Variants in PTPRD observed in about 807,000 individuals in gnomAD.
PTPRD encodes the protein receptor-type tyrosine-protein phosphatase delta.
PTPRD carries 34 observed loss-of-function variants against 214.5 expected under a neutral mutation model. The observed-to-expected ratio is 0.16, with a 90% CI of 0.12 to 0.21. The LOEUF (loss-of-function observed/expected upper bound fraction) is 0.21. Ranked by LOEUF, PTPRD falls within the 10% of genes least tolerant of loss-of-function variation. The probability of loss-of-function intolerance (pLI) is 1.00; values close to 1 mark genes in which losing one functional copy is unlikely to be tolerated. For missense variants in PTPRD, 2,545 were observed against 2,398.7 expected, an observed-to-expected ratio of 1.06 and a Z score of -1.27; for synonymous variants, 1,128 against 845.7, an observed-to-expected ratio of 1.33 and a Z score of -5.79.
chr9:10,559,353 A>T (rs2063333032), intron 2 of PTPRD, among the ~76,000 whole-genome samples: 1 of 152,144 alleles, frequency 6.6e-6, no homozygotes, highest in African/African-American at 2.4e-5. Flanking sequence ...GTGATTATTT[A>T]AATTTAACTA....
At chr9:10,024,977 T>C (rs1440350710) in intron 4 of PTPRD, among the ~76,000 whole-genome samples, 1 of 152,008 alleles carries the variant, frequency 6.6e-6, no homozygotes, top group Admixed American at 6.6e-5. Flanking sequence ...TTTTTATGGA[T>C]GCATAGTATT....
intron 10 of PTPRD, among the ~76,000 whole-genome samples, chr9:9,181,060 G>T (rs2099927912): frequency 6.6e-6 from 1 of 152,068 alleles, no homozygotes; most frequent in African/African-American, 2.4e-5. Flanking sequence ...AAAGGTTTAG[G>T]TTGGAGTTCT....
At chr9:10,435,961 A>G (rs1389611169) in intron 2 of PTPRD, among the ~76,000 whole-genome samples, 1 of 151,834 alleles carries the variant, frequency 6.6e-6, no homozygotes, top group Non-Finnish European at 1.5e-5. Flanking sequence ...AAAAATGGAC[A>G]TACACACACA....
intron 2 of PTPRD, among the ~76,000 whole-genome samples, chr9:10,352,575 G>A (rs1218491597): frequency 6.6e-6 from 1 of 152,028 alleles, no homozygotes; most frequent in Admixed American, 6.6e-5. Flanking sequence ...AGATCAGAAG[G>A]AGAAATAGCT....
chr9:8,504,608 A>C (rs2097498959), intron 22 of PTPRD, among the ~76,000 whole-genome samples: 2 of 152,210 alleles, frequency 1.3e-5, no homozygotes, highest in Non-Finnish European at 2.9e-5. Context: ...GTTTCTACAA[A>C]GGTAACTGGA....
At chr9:9,897,666 T>C (rs1033283306) in intron 5 of PTPRD, among the ~76,000 whole-genome samples, 1 of 152,088 alleles carries the variant, frequency 6.6e-6, no homozygotes, top group African/African-American at 2.4e-5. Context: ...ATTATAGCTG[T>C]TGATTCACCT....
At chr9:9,304,280 T>A (rs1956394295) in intron 9 of PTPRD, among the ~76,000 whole-genome samples, 2 of 151,926 alleles carry the variant, frequency 1.3e-5, no homozygotes, top group African/African-American at 4.8e-5. Flanking sequence ...GAATGGGGAG[T>A]CATAGGTGAA....
intron 11 of PTPRD, among the ~76,000 whole-genome samples, chr9:8,937,824 G>T (rs996622161): frequency 1.3e-5 from 2 of 152,116 alleles, no homozygotes; most frequent in African/African-American, 4.8e-5. Flanking sequence ...AAAGGGTCAA[G>T]AATCTTGTGG....
intron 30 of PTPRD, among the ~76,000 whole-genome samples, chr9:8,474,187 TGTA>T (rs2096716690): frequency 6.6e-6 from 1 of 152,150 alleles, no homozygotes; most frequent in Non-Finnish European, 1.5e-5. Context: ...CTCTTGCTTT[TGTA>T]GTAACAAACC....
At chr9:10,117,355 T>C (rs1279109570) in intron 3 of PTPRD, among the ~76,000 whole-genome samples, 2 of 152,102 alleles carry the variant, frequency 1.3e-5, no homozygotes, top group Admixed American at 6.6e-5. Flanking sequence ...CTATGGACAA[T>C]GTATTAATTT....
intron 2 of PTPRD, among the ~76,000 whole-genome samples, chr9:10,610,635 T>C (rs1001868610): frequency 2.6e-5 from 4 of 152,170 alleles, no homozygotes; most frequent in African/African-American, 4.8e-5. Context: ...AATTCATTTT[T>C]AAACCAATAA....
chr9:10,516,699 G>C (rs193078392), intron 2 of PTPRD, among the ~76,000 whole-genome samples: 3 of 152,042 alleles, frequency 2.0e-5, no homozygotes, highest in Non-Finnish European at 2.9e-5. Flanking sequence ...GAGTTTTAGA[G>C]TTTCAAGTCT....
At chr9:9,506,413 A>T (rs1302029255) in intron 8 of PTPRD, among the ~76,000 whole-genome samples, 1 of 151,446 alleles carries the variant, frequency 6.6e-6, no homozygotes, top group Non-Finnish European at 1.5e-5. Flanking sequence ...TACTTCTTGG[A>T]GATTAGTTCC....
At chr9:10,055,114 AT>A (rs2097603591) in intron 3 of PTPRD, among the ~76,000 whole-genome samples, 1 of 152,094 alleles carries the variant, frequency 6.6e-6, no homozygotes, top group East Asian at 1.9e-4. Flanking sequence ...CAGGAATTGA[AT>A]CTTCCTAATC....
intron 2 of PTPRD, among the ~76,000 whole-genome samples, chr9:10,568,556 TG>T (rs751144478): frequency 4.6e-5 from 7 of 152,112 alleles, no homozygotes; most frequent in Non-Finnish European, 5.9e-5. Context: ...ACTTCCACAA[TG>T]GTTGAACTAG....
At chr9:8,593,891 T>C (rs1370440121) in intron 14 of PTPRD, among the ~76,000 whole-genome samples, 1 of 152,192 alleles carries the variant, frequency 6.6e-6, no homozygotes, top group South Asian at 2.1e-4. Flanking sequence ...CATTTCATTA[T>C]ACCACTGATT....
intron 3 of PTPRD, among the ~76,000 whole-genome samples, chr9:10,208,120 T>G (rs2099493365): frequency 6.6e-6 from 1 of 152,228 alleles, no homozygotes; most frequent in Non-Finnish European, 1.5e-5. Flanking sequence ...ACCTATGTAA[T>G]GAGGACTTTG....
At chr9:9,620,909 A>T (rs1299633248) in intron 7 of PTPRD, among the ~76,000 whole-genome samples, 1 of 152,048 alleles carries the variant, frequency 6.6e-6, no homozygotes, top group Non-Finnish European at 1.5e-5. Context: ...CAAGGAAATG[A>T]TATGGTACTT....
intron 3 of PTPRD, among the ~76,000 whole-genome samples, chr9:10,138,300 C>A (rs767810704): frequency 3.3e-5 from 5 of 151,956 alleles, no homozygotes; most frequent in Non-Finnish European, 7.4e-5. Context: ...GACATGAATA[C>A]ATTCCTAGAA....
Sources: allele counts gnomAD v4.1 joint callset (sites outside exome capture counted in the v4.1 genomes callset), GRCh38; gene constraint gnomAD v4.1.1; transcripts MANE v1.5; gene names NCBI Gene and HGNC (gene_info 2026-07-23, HGNC 2026-07-21).